Variants in CYB5D2 observed in about 807,000 individuals in gnomAD.
CYB5D2 encodes neuferricin.
In CYB5D2, 23 loss-of-function variants were observed where a neutral mutation model predicts 22.8. The observed-to-expected ratio is 1.01, with a 90% CI of 0.73 to 1.43. The LOEUF (loss-of-function observed/expected upper bound fraction) is 1.43, where lower values mean the gene tolerates loss of function less well. CYB5D2 is among the 40% of genes most tolerant of loss of function. The pLI is 0.00. For synonymous variants in CYB5D2, 170 were observed against 152.2 expected (o/e 1.12, Z -0.86); for missense variants, 373 against 357.2 (o/e 1.04, Z -0.36).
Position 4,143,751 on chromosome 17 carries a change from T to C in CYB5D2, c.-5T>C, listed in dbSNP as rs754383666. ...CGGAAGTGCGGAGCGGGTGGGCCTA[T>C]ATAGATGTTGAGGTGCGGAGGCCGT... On this transcript the variant is annotated 5_prime_UTR_variant, in exon 1 of 4. Transcript: ENST00000301391. 9 of 1,612,610 alleles carry C rather than the reference T, an allele frequency of 5.6e-6. No homozygotes were observed. The highest frequency in any genetic ancestry group is 7.6e-6 in the Non-Finnish European group (9 of 1,179,534).
In CYB5D2 at chr17:4,154,688, C is replaced by T. The variant is rs768410215; in HGVS notation, c.406C>T (p.Arg136Trp). 14 of 1,613,782 alleles carry T rather than the reference C, an allele frequency of 8.7e-6. No homozygotes were observed. Among genetic ancestry groups the T allele is most frequent in the South Asian group, 2.2e-5 (2 of 91,046 alleles). ...NYVCVGRVTGRFYGEDGLPTP... is the reference protein window; with the variant it reads ...NYVCVGRVTGWFYGEDGLPTP... ...TGTCATCACAGGGAGGGTGACAGGA[C>T]GGTTCTACGGAGAGGATGGGCTGCC... The change falls in exon 3 of 4, where the codon CGG (arginine) becomes TGG (tryptophan). Residue 136 changes from arginine to tryptophan, a missense_variant. Physicochemically the swap from Arg to Trp is moderately radical, Grantham distance 101 (BLOSUM62 -3). Transcript: ENST00000301391.
intron 2 of CYB5D2, among the ~76,000 whole-genome samples, chr17:4,154,037 T>A (rs2059086245): frequency 6.6e-6 from 1 of 152,236 alleles, no homozygotes; most frequent in African/African-American, 2.4e-5. Flanking sequence ...ACCTCAGGAC[T>A]GGGCTACATT....
intron 1 of CYB5D2, among the ~76,000 whole-genome samples, chr17:4,149,181 A>G (rs2059026512): frequency 6.6e-6 from 1 of 152,184 alleles, no homozygotes; most frequent in Non-Finnish European, 1.5e-5. Flanking sequence ...GAGCCTTGGG[A>G]GACATCTGAG....
intron 1 of CYB5D2, 60 bp downstream of exon 1, chr17:4,144,065 C>T (rs1033349909): frequency 4.6e-6 from 7 of 1,523,468 alleles, no homozygotes; most frequent in Middle Eastern, 4.9e-4. Flanking sequence ...GCCACCTGCG[C>T]GTCGTTCGTT....
intron 3 of CYB5D2, among the ~76,000 whole-genome samples, chr17:4,156,254 G>T (rs1241759477): frequency 6.6e-6 from 1 of 152,260 alleles, no homozygotes; most frequent in African/African-American, 2.4e-5. Context: ...AGATAGGAGG[G>T]TGCTCAGGTT....
chr17:4,156,791 C>T, intron 3 of CYB5D2, 75 bp from the exon 4 acceptor site: 1 of 1,513,406 alleles, frequency 6.6e-7, no homozygotes, highest in Non-Finnish European at 9.0e-7. Flanking sequence ...GCCTGGCTCT[C>T]TGCTTCCTGC....
Position 4,157,108 on chromosome 17 carries a change from C to G in CYB5D2, c.*26C>G, listed in dbSNP as rs775823519. On this transcript the variant is annotated 3_prime_UTR_variant, in exon 4 of 4. Transcript: ENST00000301391. The surrounding 1 kb of genome is among the most constrained non-coding windows in gnomAD (Gnocchi z 4.4). ...GCCGTAGCCTCTTCTGTTAATAACACACAGAGAGCTCTGCCAAGCACCTGA... is the reference window on the plus strand; with the variant it reads ...GCCGTAGCCTCTTCTGTTAATAACAGACAGAGAGCTCTGCCAAGCACCTGA... 6.2e-7 allele frequency: 1 copy of G among 1,609,346 alleles called. No homozygotes were observed. The highest frequency in any genetic ancestry group is 8.5e-7 in the Non-Finnish European group (1 of 1,178,362).
At chr17:4,145,812 G>T (rs1476906495) in intron 1 of CYB5D2, among the ~76,000 whole-genome samples, 5 of 152,076 alleles carry the variant, frequency 3.3e-5, no homozygotes, top group African/African-American at 1.2e-4. Context: ...GTTTTTTGTT[G>T]TTTAGAGACA....
At position 4,143,732 on chromosome 17, in the gene CYB5D2, T is replaced by C. The variant is rs1357533277; in HGVS notation, c.-24T>C. ...TAGATAGAGGCGGCAACCTCGGAAG[T>C]GCGGAGCGGGTGGGCCTATATAGAT... is the stretch of plus-strand genomic sequence containing the variant. On this transcript the variant is annotated 5_prime_UTR_variant, in exon 1 of 4. Coordinates refer to ENST00000301391, the MANE Select transcript of CYB5D2 (RefSeq NM_144611.4). The C allele has an allele frequency of 6.3e-7, 1 of 1,589,350 alleles. No individual in the cohort carries two copies. The highest frequency in any genetic ancestry group is 1.1e-5 in the South Asian group (1 of 89,402).
At chr17:4,154,192 C>T (rs2059088069) in intron 2 of CYB5D2, among the ~76,000 whole-genome samples, 1 of 152,198 alleles carries the variant, frequency 6.6e-6, no homozygotes, top group South Asian at 2.1e-4. Flanking sequence ...ACACCTGTAC[C>T]CCCATCTACT....
In CYB5D2 at chr17:4,143,673, G is replaced by A; in HGVS notation, c.-83G>A. The A allele has an allele frequency of 6.6e-7, 1 of 1,512,588 alleles. No homozygotes were observed. The highest frequency in any genetic ancestry group is 8.9e-7 in the Non-Finnish European group (1 of 1,129,890). 93.7% of individuals were successfully genotyped at this position (1,512,588 alleles called of 1,614,324 possible). The stretch of plus-strand genomic sequence containing the variant: ...AGAGAGCGAGAGCGCGCGCGCCGAT[G>A]ACGTCACGCTCGGCGTCTCGGCCAT... On this transcript the variant is annotated 5_prime_UTR_variant, in exon 1 of 4. The change abolishes an upstream ATG in the 5' untranslated region. Coordinates refer to ENST00000301391, the MANE Select transcript of CYB5D2 (RefSeq NM_144611.4).
At chr17:4,154,622 C>T (rs753710654) in intron 2 of CYB5D2, 52 bp from the exon 3 acceptor site, 24 of 1,568,972 alleles carry the variant, frequency 1.5e-5, no homozygotes, top group Non-Finnish European at 1.9e-5. Flanking sequence ...CCACACCTGC[C>T]TCAGCAGCTG....
Position 4,150,027 on chromosome 17 carries a change from T to G in CYB5D2, c.387T>G (p.Cys129Trp), listed in dbSNP as rs147460942. The change falls in exon 2 of 4, where the codon TGT (cysteine) becomes TGG (tryptophan). Residue 129 changes from cysteine (C) to tryptophan (W), a missense_variant. Coordinates refer to ENST00000301391, the MANE Select transcript of CYB5D2 (RefSeq NM_144611.4). ...WLSFYEKNYVCVGRVTGRFYG... is the reference protein window; with the variant it reads ...WLSFYEKNYVWVGRVTGRFYG... Reference sequence around the variant, plus strand: ...CATTCTATGAGAAGAATTATGTGTGTGTTGGTAAGTCGTCCATAGGTCATA... The same window carrying G: ...CATTCTATGAGAAGAATTATGTGTGGGTTGGTAAGTCGTCCATAGGTCATA... 1.9e-6 allele frequency: 3 copies of G among 1,614,016 alleles called. No homozygotes were observed.
In CYB5D2 at chr17:4,143,808, C is replaced by G; in HGVS notation, c.53C>G (p.Ala18Gly). The G allele has an allele frequency of 6.2e-7, 1 of 1,614,126 alleles. No individual in the cohort carries two copies. Among genetic ancestry groups the G allele is most frequent in the Middle Eastern group, 1.7e-4 (1 of 6,030 alleles). ...TTGTTGGGCCTGGCTGTAGCCGCAG[C>G]AGCGGTAATGGCAGCACGGCTTATG... is the stretch of plus-strand genomic sequence containing the variant. ...GLLLGLAVAAAAVMAARLMGW... is the reference protein window; with the variant it reads ...GLLLGLAVAAGAVMAARLMGW... The change falls in exon 1 of 4, where the codon GCA becomes GGA. Residue 18 changes from alanine to glycine, a missense_variant. Ala to Gly is a moderately conservative substitution (Grantham distance 60). Transcript: ENST00000301391.
chr17:4,143,606 A>T lies in CYB5D2; in HGVS notation c.-150A>T. On this transcript the variant is annotated 5_prime_UTR_variant, in exon 1 of 4. Coordinates refer to ENST00000301391, the MANE Select transcript of CYB5D2 (RefSeq NM_144611.4). ...CAGTGCCAGGAATACAGATAAAACG[A>T]GAGAGACTAAGGGAGGGAGCGCGAG... is the stretch of plus-strand genomic sequence containing the variant. 9.0e-7 allele frequency: 1 copy of T among 1,113,392 alleles called. No individual in the cohort carries two copies. The highest frequency in any genetic ancestry group is 1.3e-6 in the Non-Finnish European group (1 of 787,550). 69.0% of individuals were successfully genotyped at this position (1,113,392 alleles called of 1,614,324 possible). A position where few individuals can be genotyped will look rare whatever the true frequency, so the allele number is the denominator to read the frequency against.
rs749675893 is a variant in CYB5D2, at chr17:4,143,690, C to T, written c.-66C>T. On this transcript the variant is annotated 5_prime_UTR_variant, in exon 1 of 4. Coordinates refer to ENST00000301391, the MANE Select transcript of CYB5D2 (RefSeq NM_144611.4). The stretch of plus-strand genomic sequence containing the variant: ...GCGCCGATGACGTCACGCTCGGCGT[C>T]TCGGCCATCTTAGCTGTAGATAGAG... The T allele has an allele frequency of 3.9e-6, 6 of 1,527,116 alleles. No homozygotes were observed. The Admixed American group carries it at 6.4e-5, about 16-fold the overall frequency. 94.6% of individuals were successfully genotyped at this position (1,527,116 alleles called of 1,614,324 possible).
At chr17:4,148,846 T>C (rs1323289594) in intron 1 of CYB5D2, among the ~76,000 whole-genome samples, 1 of 152,130 alleles carries the variant, frequency 6.6e-6, no homozygotes, top group African/African-American at 2.4e-5. Flanking sequence ...AAGAACTGCA[T>C]TCCTGGATTG....
chr17:4,149,659 C>T (rs921543897), intron 1 of CYB5D2, among the ~76,000 whole-genome samples: 4 of 152,082 alleles, frequency 2.6e-5, no homozygotes, highest in Admixed American at 2.6e-4. Flanking sequence ...ATTAGCCAGG[C>T]GTGGTGGCGG....
intron 1 of CYB5D2, among the ~76,000 whole-genome samples, chr17:4,149,017 G>A (rs548420545): frequency 6.6e-6 from 1 of 151,608 alleles, no homozygotes; most frequent in Admixed American, 6.6e-5. Flanking sequence ...CAGTGGCATG[G>A]TCATAGCTCA....
Sources: gnomAD v4.1 joint callset for allele counts (sites outside exome capture counted in the v4.1 genomes callset) on GRCh38, gnomAD v4.1.1 for gene constraint, Gnocchi (gnomAD v3.1) non-coding constraint, MANE v1.5 for transcripts, NCBI Gene and HGNC (gene_info 2026-07-23, HGNC 2026-07-21) for gene names.